The following IMMP2L variants were observed in gnomAD, a reference collection of about 807,000 sequenced individuals.
IMMP2L encodes inner mitochondrial membrane peptidase subunit 2.
IMMP2L carries 18 observed loss-of-function variants against 19.3 expected under a neutral mutation model. That is an observed-to-expected ratio of 0.93 (90% CI 0.64 to 1.38). The LOEUF is 1.38. Among genes scored for constraint, IMMP2L ranks in the 40% most tolerant of loss-of-function variants. The pLI, the probability that IMMP2L is intolerant of heterozygous loss-of-function variation, is 0.00. For synonymous variants in IMMP2L, 76 were observed against 73.0 expected, an observed-to-expected ratio of 1.04 and a Z score of -0.21; for missense variants, 233 against 218.2, an observed-to-expected ratio of 1.07 and a Z score of -0.43.
intron 3 of IMMP2L, among the ~76,000 whole-genome samples, chr7:111,262,093 A>G (rs1486777695): frequency 6.6e-6 from 1 of 152,144 alleles, no homozygotes; most frequent in African/African-American, 2.4e-5. Context: ...CAATAAATAC[A>G]CAGTAGAACC....
chr7:111,519,285 C>T (rs1449360725), intron 2 of IMMP2L, among the ~76,000 whole-genome samples: 1 of 152,130 alleles, frequency 6.6e-6, no homozygotes, highest in Non-Finnish European at 1.5e-5. Context: ...CCAGCGGCAT[C>T]CAAGTCCTGG....
chr7:111,117,482 A>C (rs139701704), intron 3 of IMMP2L, among the ~76,000 whole-genome samples: 2,230 of 152,216 alleles, frequency 0.015, 65 homozygotes, highest in African/African-American at 0.051. Flanking sequence ...TCAGTTTTTA[A>C]GGATAGCATT....
At chr7:111,533,635 A>G (rs931809071) in intron 1 of IMMP2L, among the ~76,000 whole-genome samples, 3 of 152,222 alleles carry the variant, frequency 2.0e-5, no homozygotes, top group Admixed American at 6.5e-5. Flanking sequence ...TGTTGAAACA[A>G]TTAGCTACAA....
intron 5 of IMMP2L, among the ~76,000 whole-genome samples, chr7:110,767,682 T>C (rs1007793020): frequency 6.6e-6 from 1 of 152,190 alleles, no homozygotes; most frequent in African/African-American, 2.4e-5. Flanking sequence ...ATTCTCTTGA[T>C]GCAAGTCAGC....
intron 3 of IMMP2L, among the ~76,000 whole-genome samples, chr7:111,463,563 G>A (rs1840337514): frequency 2.6e-5 from 4 of 152,106 alleles, no homozygotes; most frequent in African/African-American, 9.7e-5. Flanking sequence ...TTTTTTGGTA[G>A]CAACTACATT....
At chr7:110,742,855 A>T (rs1797077625) in intron 5 of IMMP2L, among the ~76,000 whole-genome samples, 1 of 152,174 alleles carries the variant, frequency 6.6e-6, no homozygotes, top group Admixed American at 6.5e-5. Flanking sequence ...GATGCAATAT[A>T]ACAAATTAAG....
rs930011168 is a variant in IMMP2L at position 111,281,222 on chromosome 7, A to C, written c.239+206016T>G. On this transcript the variant is annotated intron_variant, in intron 3 of 5. Coordinates refer to ENST00000405709, the MANE Select transcript of IMMP2L (RefSeq NM_032549.4). Reference sequence around the variant, plus strand: ...AGAAAGAAAGAAAGAAAGAAAAAGAAAGAAAGAAAGAAAGAAAGAAAGAAG... The same window carrying C: ...AGAAAGAAAGAAAGAAAGAAAAAGACAGAAAGAAAGAAAGAAAGAAAGAAG... Among the ~76,000 whole-genome samples, 20 of 119,008 alleles carry C rather than the reference A, an allele frequency of 1.7e-4. 1 individual carries two copies. The highest frequency in any genetic ancestry group is 4.8e-4 in the African/African-American group (14 of 29,368). The allele number at this position is 119,008 out of a possible 152,430, so 78.1% of individuals were successfully genotyped here. A position where few individuals can be genotyped will look rare whatever the true frequency, so the allele number is the denominator to read the frequency against.
chr7:111,335,651 C>A (rs1826324624), intron 3 of IMMP2L, among the ~76,000 whole-genome samples: 1 of 151,950 alleles, frequency 6.6e-6, no homozygotes, highest in Admixed American at 6.6e-5. Context: ...ACTAAAAAGA[C>A]TAGGAAATAC....
intron 3 of IMMP2L, among the ~76,000 whole-genome samples, chr7:111,265,650 C>A (rs1005475438): frequency 6.6e-6 from 1 of 152,106 alleles, no homozygotes; most frequent in Non-Finnish European, 1.5e-5. Flanking sequence ...CCCAGAAGGG[C>A]AGAAGCACTG....
At chr7:111,195,914 G>A (rs914194761) in intron 3 of IMMP2L, among the ~76,000 whole-genome samples, 28 of 151,222 alleles carry the variant, frequency 1.9e-4, no homozygotes, top group Admixed American at 1.5e-3. Context: ...TCACCAAGGC[G>A]GGACTTCACC....
intron 5 of IMMP2L, among the ~76,000 whole-genome samples, chr7:110,681,906 A>G (rs1374221737): frequency 6.6e-6 from 1 of 152,184 alleles, no homozygotes; most frequent in Non-Finnish European, 1.5e-5. Context: ...CTGAAGAAAA[A>G]AAAATGGCAA....
chr7:111,452,995 T>G (rs755363691), intron 3 of IMMP2L, among the ~76,000 whole-genome samples: 1 of 152,180 alleles, frequency 6.6e-6, no homozygotes, highest in Non-Finnish European at 1.5e-5. Context: ...TAGTAGGAGC[T>G]CTACTGAATA....
intron 3 of IMMP2L, among the ~76,000 whole-genome samples, chr7:111,302,079 C>G (rs1192792993): frequency 6.6e-6 from 1 of 151,940 alleles, no homozygotes; most frequent in Non-Finnish European, 1.5e-5. Context: ...AGGTCAGTAC[C>G]CATTAGCATC....
chr7:110,932,708 T>C (rs1256195000), intron 4 of IMMP2L, among the ~76,000 whole-genome samples: 2 of 152,204 alleles, frequency 1.3e-5, no homozygotes, highest in Non-Finnish European at 2.9e-5. Context: ...TTTGATATTT[T>C]TGCCTTTGCA....
chr7:110,994,672 G>C (rs1261649330), intron 3 of IMMP2L, among the ~76,000 whole-genome samples: 3 of 152,148 alleles, frequency 2.0e-5, no homozygotes, highest in Non-Finnish European at 4.4e-5. Flanking sequence ...TTAGCTGTCT[G>C]TGTGTGAGAG....
intron 3 of IMMP2L, among the ~76,000 whole-genome samples, chr7:111,169,324 T>G (rs1347869992): frequency 1.3e-5 from 2 of 151,868 alleles, no homozygotes; most frequent in African/African-American, 2.4e-5. Context: ...TGTACTGACT[T>G]AAGATGGTAC....
rs930005960 is a variant in IMMP2L at position 111,100,669 on chromosome 7, T to C, written c.240-137104A>G. On this transcript the variant is annotated intron_variant, in intron 3 of 5. Transcript: ENST00000405709. The stretch of plus-strand genomic sequence containing the variant: ...GTTGAAAATGCATAGAGCCAAAAGA[T>C]AAAAATTTAGGCTCTGGCTGAACTG... Among the ~76,000 whole-genome samples the C allele has an allele frequency of 7.7e-4, 116 of 151,356 alleles. 1 individual carries two copies. The highest frequency in any genetic ancestry group is 2.1e-4 in the Non-Finnish European group (14 of 67,578).
intron 3 of IMMP2L, among the ~76,000 whole-genome samples, chr7:111,037,499 G>A (rs2129570201): frequency 1.3e-5 from 2 of 152,218 alleles, no homozygotes. Flanking sequence ...TTCAGAAGGA[G>A]TACTCTCAAG....
At chr7:111,099,279 T>G (rs1210848660) in intron 3 of IMMP2L, among the ~76,000 whole-genome samples, 3 of 151,732 alleles carry the variant, frequency 2.0e-5, no homozygotes, top group African/African-American at 4.8e-5. Context: ...TTTTAGACAC[T>G]TTTTTCCCCT....
Sources: allele counts gnomAD v4.1 joint callset (sites outside exome capture counted in the v4.1 genomes callset), GRCh38; gene constraint gnomAD v4.1.1; transcripts MANE v1.5; gene names NCBI Gene and HGNC (gene_info 2026-07-23, HGNC 2026-07-21).